TAS2R1: variants seen among roughly 807,000 people sequenced by gnomAD.
TAS2R1 encodes the protein taste receptor type 2 member 1.
For synonymous variants in TAS2R1, 141 were observed against 134.2 expected (o/e 1.05, Z -0.35); for missense variants, 370 against 353.4 (o/e 1.05, Z -0.38).
chr5:9,757,783 T>C, the TAS2R1 span, among the ~76,000 whole-genome samples: 1 of 152,136 alleles, frequency 6.6e-6, no homozygotes, highest in East Asian at 1.9e-4. Flanking sequence ...GATAGAAAAG[T>C]TTGTTAGAAA....
In TAS2R1 at chr5:9,629,853, C is replaced by T; in HGVS notation, c.180G>A (p.Leu60=). ...CAATCACATTAACGTAGAAGATGAA[C>T]AACTGCAGAAAAATTCTAGAAACTG... is the stretch of plus-strand genomic sequence containing the variant. ...CLAVSRIFLQ[L]FIFYVNVIVI... The change falls in exon 1 of 1, where the codon TTG becomes TTA. Residue 60 remains leucine, a synonymous_variant. Transcript: ENST00000382492. 1 of 1,613,502 alleles carries T rather than the reference C, an allele frequency of 6.2e-7. No homozygotes were observed. Among genetic ancestry groups the T allele is most frequent in the Non-Finnish European group, 8.5e-7 (1 of 1,179,884 alleles).
At chr5:9,677,466 C>G (rs1398407368) in intron 1 of TAS2R1, among the ~76,000 whole-genome samples, 1 of 150,812 alleles carries the variant, frequency 6.6e-6, no homozygotes, top group Non-Finnish European at 1.5e-5. Flanking sequence ...AAAAAATTTG[C>G]AGGCCTCATA....
the TAS2R1 span, among the ~76,000 whole-genome samples, chr5:9,770,567 T>C: frequency 6.6e-6 from 1 of 152,284 alleles, no homozygotes; most frequent in African/African-American, 2.4e-5. Context: ...CTTTACACTT[T>C]TTGTGTGTCC....
At chr5:9,645,210 A>G (rs1269927051) in intron 2 of TAS2R1, among the ~76,000 whole-genome samples, 2 of 152,170 alleles carry the variant, frequency 1.3e-5, no homozygotes, top group Non-Finnish European at 2.9e-5. Flanking sequence ...GAAAGGCATA[A>G]CATCAATTTG....
chr5:9,879,606 T>C, the TAS2R1 span, among the ~76,000 whole-genome samples: 1 of 152,130 alleles, frequency 6.6e-6, no homozygotes, highest in Non-Finnish European at 1.5e-5. Flanking sequence ...AGCACCCACA[T>C]TTGCAAGGCC....
chr5:9,817,749 T>C, the TAS2R1 span, among the ~76,000 whole-genome samples: 1 of 152,116 alleles, frequency 6.6e-6, no homozygotes, highest in Non-Finnish European at 1.5e-5. Context: ...GGAAAATGTA[T>C]AAACGAAAGA....
At chr5:9,748,211 A>G in the TAS2R1 span, among the ~76,000 whole-genome samples, 2 of 152,160 alleles carry the variant, frequency 1.3e-5, no homozygotes, top group Non-Finnish European at 2.9e-5. Context: ...ATGTGGTACC[A>G]TCTCTGCATA....
the TAS2R1 span, among the ~76,000 whole-genome samples, chr5:9,777,092 T>C: frequency 3.3e-5 from 5 of 152,180 alleles, no homozygotes; most frequent in Non-Finnish European, 7.4e-5. Context: ...TGTTGATTGA[T>C]CATGAGGGTG....
chr5:9,630,889 T>C (rs1422155079), upstream of TAS2R1, among the ~76,000 whole-genome samples: 1 of 152,230 alleles, frequency 6.6e-6, no homozygotes, highest in Non-Finnish European at 1.5e-5. Context: ...TAATGCACTA[T>C]GAAAAATTAA....
chr5:9,753,971 T>C, the TAS2R1 span, among the ~76,000 whole-genome samples: 1 of 152,236 alleles, frequency 6.6e-6, no homozygotes, highest in Non-Finnish European at 1.5e-5. Flanking sequence ...TAGTTTGAAG[T>C]CAGGTAGCAT....
the TAS2R1 span, among the ~76,000 whole-genome samples, chr5:9,842,416 G>A: frequency 4.0e-5 from 6 of 149,996 alleles, no homozygotes; most frequent in South Asian, 8.4e-4. Context: ...CACCTCCCAG[G>A]TTTAAGCAAT....
the TAS2R1 span, among the ~76,000 whole-genome samples, chr5:9,735,669 G>T: frequency 6.6e-6 from 1 of 152,152 alleles, no homozygotes; most frequent in Non-Finnish European, 1.5e-5. Context: ...CTACAGTTGC[G>T]ATGTTAAGAT....
chr5:9,835,387 G>A, the TAS2R1 span, among the ~76,000 whole-genome samples: 26,034 of 152,164 alleles, frequency 0.17, 2,431 homozygotes, highest in Middle Eastern at 0.3. Context: ...AGTGTCAGGT[G>A]ACCTAGACCC....
chr5:9,647,014 G>C (rs539800315), intron 2 of TAS2R1, among the ~76,000 whole-genome samples: 21 of 152,154 alleles, frequency 1.4e-4, no homozygotes, highest in African/African-American at 5.1e-4. Context: ...CCATATTTGT[G>C]GACATTTGTA....
At chr5:9,767,276 G>A in the TAS2R1 span, among the ~76,000 whole-genome samples, 7 of 151,434 alleles carry the variant, frequency 4.6e-5, no homozygotes, top group Non-Finnish European at 7.4e-5. Flanking sequence ...TCTCTACGTC[G>A]GTGCTCATAT....
the TAS2R1 span, among the ~76,000 whole-genome samples, chr5:9,857,937 T>C: frequency 6.6e-6 from 1 of 152,100 alleles, no homozygotes; most frequent in Non-Finnish European, 1.5e-5. Flanking sequence ...CAGACCCTGG[T>C]GCCTGGGTCT....
intron 1 of TAS2R1, among the ~76,000 whole-genome samples, chr5:9,695,496 G>A (rs1387415928): frequency 6.6e-6 from 1 of 152,016 alleles, no homozygotes; most frequent in Non-Finnish European, 1.5e-5. Context: ...CCACTAGAAA[G>A]GGTGAGGCAA....
chr5:9,702,489 G>T (rs1285958208), intron 1 of TAS2R1, among the ~76,000 whole-genome samples: 1 of 152,094 alleles, frequency 6.6e-6, no homozygotes, highest in African/African-American at 2.4e-5. Context: ...TGCCGAGGGG[G>T]AAAATCTATG....
At chr5:9,762,390 T>C in the TAS2R1 span, among the ~76,000 whole-genome samples, 1 of 152,242 alleles carries the variant, frequency 6.6e-6, no homozygotes, top group Non-Finnish European at 1.5e-5. Context: ...TTAAAATTAC[T>C]AAACGTGGTT....
Sources: allele counts gnomAD v4.1 joint callset (sites outside exome capture counted in the v4.1 genomes callset), GRCh38; gene constraint gnomAD v4.1.1; transcripts MANE v1.5; gene names NCBI Gene and HGNC (gene_info 2026-07-23, HGNC 2026-07-21).